Variants in ME3 observed in about 807,000 individuals in gnomAD.
ME3 encodes the protein malic enzyme 3, also known as NADP-dependent malic enzyme, mitochondrial.
A neutral mutation model predicts 68.9 loss-of-function variants in ME3; 48 were observed. That is an observed-to-expected ratio of 0.70 (90% CI 0.55 to 0.89). The LOEUF is 0.89. ME3 is among the 40% of genes least tolerant of loss of function. The pLI, the probability that ME3 is intolerant of heterozygous loss-of-function variation, is 0.00. For synonymous variants in ME3, 320 were observed against 318.8 expected (o/e 1.00, Z -0.04); for missense variants, 675 against 797.4 (o/e 0.85, Z 1.85).
chr11:86,627,793 G>T (rs12289252), intron 2 of ME3, among the ~76,000 whole-genome samples: 18,036 of 152,196 alleles, frequency 0.12, 1,532 homozygotes, highest in East Asian at 0.4. Context: ...TTGTACCAAA[G>T]AAAAAGCACA....
At chr11:86,452,294 C>G (rs1226375142) in intron 8 of ME3, among the ~76,000 whole-genome samples, 8 of 152,166 alleles carry the variant, frequency 5.3e-5, no homozygotes, top group Non-Finnish European at 8.8e-5. Flanking sequence ...CTTCATGCCA[C>G]TAAATCAGTG....
At chr11:86,496,518 A>T (rs1029420217) in intron 6 of ME3, among the ~76,000 whole-genome samples, 1 of 152,248 alleles carries the variant, frequency 6.6e-6, no homozygotes, top group African/African-American at 2.4e-5. Context: ...TCACTGCAGA[A>T]TGCAAATAAG....
downstream of ME3, among the ~76,000 whole-genome samples, chr11:86,437,834 C>CAGAG (rs1471873749): frequency 4.1e-5 from 6 of 146,532 alleles, no homozygotes; most frequent in East Asian, 7.9e-4. Context: ...TTCCAGTAGA[C>CAGAG]AGAGAGAGAG....
At chr11:86,518,324 A>G (rs1319630975) in intron 4 of ME3, among the ~76,000 whole-genome samples, 1 of 152,158 alleles carries the variant, frequency 6.6e-6, no homozygotes, top group Non-Finnish European at 1.5e-5. Flanking sequence ...AGGTGAGAAA[A>G]TGCCCTTATC....
chr11:86,539,544 G>A (rs1424499564), intron 4 of ME3, among the ~76,000 whole-genome samples: 1 of 152,112 alleles, frequency 6.6e-6, no homozygotes, highest in Admixed American at 6.5e-5. Flanking sequence ...CCACAAAGAT[G>A]GTGCTTAACC....
rs187079395 is a variant in ME3 at position 86,672,100 on chromosome 11, C to T, written c.-14-142G>A. The T allele has an allele frequency of 4.4e-3, 2,994 of 683,750 alleles. 48 individuals carry two copies. Among genetic ancestry groups the T allele is most frequent in the African/African-American group, 0.033 (1,765 of 52,882 alleles). 42.4% of individuals were successfully genotyped at this position (683,750 alleles called of 1,614,324 possible). ...CCAAAGGGTTAAATGTTCCAGCCCC[C>T]GCCACTCCTCGGCTGCCACCTGCTC... On this transcript the variant is annotated intron_variant, in intron 1 of 14. Coordinates refer to ENST00000543262, the Ensembl canonical transcript of ME3.
chr11:86,486,873 G>A (rs1025731882), intron 7 of ME3, among the ~76,000 whole-genome samples: 1 of 152,220 alleles, frequency 6.6e-6, no homozygotes, highest in Admixed American at 6.5e-5. Context: ...CAGGCCCAGA[G>A]CCCGTGTGGT....
intron 4 of ME3, among the ~76,000 whole-genome samples, chr11:86,552,876 G>A (rs666472): frequency 0.73 from 111,606 of 152,066 alleles, 41,467 homozygotes; most frequent in East Asian, 0.83. Flanking sequence ...TTGGAGCCCA[G>A]GAGGATGAGG....
chr11:86,450,984 C>A lies in ME3; in HGVS notation c.920-586G>T, dbSNP rs139615981. On this transcript the variant is annotated intron_variant, in intron 8 of 14. Transcript: ENST00000543262. ...CTTCTCCCTGAATCCACATCTAAGG[C>A]CTCACTGGGGATTCCTTAAGAGCAG... Among the ~76,000 whole-genome samples the A allele has an allele frequency of 1.5e-3, 223 of 152,304 alleles. 1 individual carries two copies. Among genetic ancestry groups the A allele is most frequent in the Middle Eastern group, 3.4e-3 (1 of 294 alleles).
intron 2 of ME3, among the ~76,000 whole-genome samples, chr11:86,638,003 CACAT>C (rs1472043723): frequency 1.4e-5 from 2 of 147,020 alleles, no homozygotes; most frequent in East Asian, 2.2e-4. Context: ...CACACACACA[CACAT>C]AAGGAAGCAG....
At chr11:86,534,480 G>A (rs1341164637) in intron 4 of ME3, among the ~76,000 whole-genome samples, 1 of 152,072 alleles carries the variant, frequency 6.6e-6, no homozygotes, top group African/African-American at 2.4e-5. Context: ...TTCGAGACCA[G>A]CCTGGCCAAC....
rs887710204 is a variant in ME3 at position 86,666,802 on chromosome 11, G to A, written c.183+4960C>T. The stretch of plus-strand genomic sequence containing the variant: ...CTCGAGAAGATATATTATGTAATCT[G>A]CCTTCCAGCATCACCAATAAACTTC... On this transcript the variant is annotated intron_variant, in intron 2 of 14. Coordinates refer to ENST00000543262, the Ensembl canonical transcript of ME3. Among the ~76,000 whole-genome samples the A allele has an allele frequency of 3.9e-5, 6 of 152,122 alleles. 1 individual carries two copies. The highest frequency in any genetic ancestry group is 3.9e-4 in the Admixed American group (6 of 15,276).
chr11:86,641,012 CATATAACCTGCTCT>C (rs914916206), intron 2 of ME3, among the ~76,000 whole-genome samples: 5 of 140,618 alleles, frequency 3.6e-5, no homozygotes, highest in Non-Finnish European at 7.8e-5. Flanking sequence ...GCTAAGCACA[CATATAACCTGCTCT>C]CAATTTCACT....
At chr11:86,476,115 A>G (rs1289946876) in intron 7 of ME3, among the ~76,000 whole-genome samples, 1 of 152,150 alleles carries the variant, frequency 6.6e-6, no homozygotes, top group Non-Finnish European at 1.5e-5. Flanking sequence ...AACCAACAGG[A>G]GAAGCTTGGA....
rs774590648 is a variant in ME3, at chr11:86,525,862, CA to C, written c.468-16996del. Among the ~76,000 whole-genome samples the C allele has an allele frequency of 8.0e-3, 823 of 102,614 alleles. 5 individuals are homozygous for C. Among genetic ancestry groups the C allele is most frequent in the African/African-American group, 0.02 (573 of 29,144 alleles). The allele number at this position is 102,614 out of a possible 152,430, so 67.3% of individuals were successfully genotyped here. The stretch of plus-strand genomic sequence containing the variant: ...GGGCAACAAGGGCAAAACTCTGTCT[CA>C]AAAAAAAAAAAAAAAAGGAGAGGGT... On this transcript the variant is annotated intron_variant, in intron 4 of 14. Transcript: ENST00000543262.
At chr11:86,625,319 A>C (rs968367865) in intron 2 of ME3, among the ~76,000 whole-genome samples, 4 of 151,910 alleles carry the variant, frequency 2.6e-5, no homozygotes, top group Non-Finnish European at 5.9e-5. Context: ...AAGAATGAAG[A>C]CGCGTAGCTG....
At chr11:86,503,809 C>T (rs765379616) in intron 5 of ME3, among the ~76,000 whole-genome samples, 7 of 152,162 alleles carry the variant, frequency 4.6e-5, no homozygotes, top group African/African-American at 7.2e-5. Flanking sequence ...CCTCCTCCTG[C>T]GAAGCTCCTG....
At chr11:86,581,139 T>A (rs1440493779) in intron 2 of ME3, among the ~76,000 whole-genome samples, 1 of 151,864 alleles carries the variant, frequency 6.6e-6, no homozygotes, top group Non-Finnish European at 1.5e-5. Flanking sequence ...TCTAAAAAAA[T>A]ATATAGATTT....
At chr11:86,607,126 C>T (rs979015530) in intron 2 of ME3, among the ~76,000 whole-genome samples, 1 of 152,154 alleles carries the variant, frequency 6.6e-6, no homozygotes, top group Non-Finnish European at 1.5e-5. Context: ...TGACTAAGTG[C>T]AGCACTGCTT....
Sources: gnomAD v4.1 joint callset for allele counts (sites outside exome capture counted in the v4.1 genomes callset) on GRCh38, gnomAD v4.1.1 for gene constraint, MANE v1.5 for transcripts, NCBI Gene and HGNC (gene_info 2026-07-23, HGNC 2026-07-21) for gene names.